Variants in CPXM2 observed in about 807,000 individuals in gnomAD.
CPXM2 encodes the protein carboxypeptidase X, M14 family member 2.
In CPXM2, 66 loss-of-function variants were observed where a neutral mutation model predicts 86.1. The ratio of observed to expected loss-of-function variants is 0.77; its 90% CI spans 0.63 to 0.94. The LOEUF is 0.94. Ranked by LOEUF, CPXM2 falls within the 40% of genes least tolerant of loss-of-function variation. CPXM2 has a pLI of 0.00. For synonymous variants in CPXM2, 388 were observed against 400.2 expected, an observed-to-expected ratio of 0.97 and a Z score of 0.36; for missense variants, 948 against 1,026.3, an observed-to-expected ratio of 0.92 and a Z score of 1.04.
At position 123,889,863 on chromosome 10, in the gene CPXM2, T is replaced by C. The variant is rs958553130; in HGVS notation, c.304+1493A>G. Among the ~76,000 whole-genome samples, 110 of 151,984 alleles carry C rather than the reference T, an allele frequency of 7.2e-4. 6 individuals are homozygous for C. The highest frequency in any genetic ancestry group is 1.5e-5 in the Non-Finnish European group (1 of 68,014). ...AGTGACTGCCAGAACCCAACATACATGTCTCCTGCCTACACCACCCTACCA... is the reference window on the plus strand; with the variant it reads ...AGTGACTGCCAGAACCCAACATACACGTCTCCTGCCTACACCACCCTACCA... On this transcript the variant is annotated intron_variant, in intron 1 of 13. Coordinates refer to ENST00000241305, the MANE Select transcript of CPXM2 (RefSeq NM_198148.3).
chr10:123,790,457 C>T (rs766378339), intron 6 of CPXM2, among the ~76,000 whole-genome samples: 9 of 152,026 alleles, frequency 5.9e-5, no homozygotes, highest in African/African-American at 1.9e-4. Flanking sequence ...GGTTGTTTAC[C>T]GAAACTAGGG....
intron 3 of CPXM2, among the ~76,000 whole-genome samples, chr10:123,855,461 G>T (rs534630784): frequency 1.8e-4 from 28 of 152,286 alleles, no homozygotes; most frequent in African/African-American, 6.3e-4. Flanking sequence ...GCAGGTGTGG[G>T]TCGGGCACAG....
At chr10:123,942,754 T>C (rs991858569), upstream of CPXM2, among the ~76,000 whole-genome samples, 1 of 152,210 alleles carries the variant, frequency 6.6e-6, no homozygotes, top group African/African-American at 2.4e-5. Context: ...TTTGTTTCCT[T>C]ACTTCTCTAT....
chr10:123,903,913 TG>T (rs1945408265), intron 2 of CPXM2, among the ~76,000 whole-genome samples: 1 of 152,204 alleles, frequency 6.6e-6, no homozygotes, highest in African/African-American at 2.4e-5. Flanking sequence ...GACTCTGGCG[TG>T]GGTTTGCCTG....
At chr10:123,847,835 T>G (rs1006619064) in intron 3 of CPXM2, among the ~76,000 whole-genome samples, 2 of 152,180 alleles carry the variant, frequency 1.3e-5, no homozygotes, top group African/African-American at 4.8e-5. Flanking sequence ...TTCTGAGAGA[T>G]AGAGACAACA....
chr10:123,883,786 A>G (rs1945134204), intron 1 of CPXM2, among the ~76,000 whole-genome samples: 1 of 152,316 alleles, frequency 6.6e-6, no homozygotes, highest in Non-Finnish European at 1.5e-5. Flanking sequence ...CGAGCCCTTC[A>G]TGGACAGCAC....
chr10:123,777,277 A>G (rs1846815284), intron 7 of CPXM2: 1 of 152,258 alleles, frequency 6.6e-6, no homozygotes, highest in South Asian at 2.1e-4. Context: ...CTGTCTACAT[A>G]TGGGCCATCA....
In CPXM2 at chr10:123,824,172, G is replaced by A. The variant is rs1847993012; in HGVS notation, c.653+18177C>T. ...TGTTTCTCTGGAGAGAAAGTCAGTG[G>A]AAGTTTATGTGAATAAAATTGGAAA... On this transcript the variant is annotated intron_variant, in intron 4 of 13. Transcript: ENST00000241305. 2.6e-5 allele frequency among the ~76,000 whole-genome samples: 4 copies of A among 152,140 alleles called. 1 individual carries two copies. The highest frequency in any genetic ancestry group is 4.1e-4 in the South Asian group (2 of 4,824).
rs563837721 is a variant in CPXM2 at position 123,757,476 on chromosome 10, T to C, written c.1778-124A>G. On this transcript the variant is annotated intron_variant, in intron 11 of 13. Coordinates refer to ENST00000241305, the MANE Select transcript of CPXM2 (RefSeq NM_198148.3). The stretch of plus-strand genomic sequence containing the variant: ...AAGGCCTTGTTTAAACAGGGAGATA[T>C]GAAGTATCTACTATAGACAAAAATT... The C allele has an allele frequency of 4.9e-6, 4 of 817,384 alleles. No individual in the cohort carries two copies. The African/African-American group carries it at 5.1e-5, about 10-fold the overall frequency. The allele number at this position is 817,384 out of a possible 1,614,324, so 50.6% of individuals were successfully genotyped here. A position where few individuals can be genotyped will look rare whatever the true frequency, so the allele number is the denominator to read the frequency against.
At position 123,798,060 on chromosome 10, in the gene CPXM2, G is replaced by A. The variant is rs368914654; in HGVS notation, c.805C>T (p.Arg269Cys). 24 of 1,611,430 alleles carry A rather than the reference G, an allele frequency of 1.5e-5. No individual in the cohort carries two copies. Among genetic ancestry groups the A allele is most frequent in the African/African-American group, 1.3e-4 (10 of 74,744 alleles). The change falls in exon 6 of 14, where the codon CGC becomes TGC. Residue 269 changes from arginine (R) to cysteine (C), a missense_variant. Arg to Cys is a radical substitution (Grantham distance 180). Transcript: ENST00000241305. ...GACTGAGGGTTTATGCGGATGTAGC[G>A]GGCCACCATGGGGACGGGTAGCTCA... ...LNELPVPMVA[R>C]YIRINPQSWF...
chr10:123,897,917 C>T (rs1475588718), intron 2 of CPXM2, among the ~76,000 whole-genome samples: 1 of 152,242 alleles, frequency 6.6e-6, no homozygotes, highest in African/African-American at 2.4e-5. Context: ...AGGCATCCCT[C>T]TTTCTATCCT....
chr10:123,833,854 C>T (rs952920588), intron 4 of CPXM2, among the ~76,000 whole-genome samples: 3 of 152,120 alleles, frequency 2.0e-5, no homozygotes, highest in African/African-American at 4.8e-5. Flanking sequence ...AGTGCTGGCA[C>T]GAGAATAGGA....
chr10:123,796,518 G>A (rs1847338987), intron 6 of CPXM2, among the ~76,000 whole-genome samples: 1 of 152,190 alleles, frequency 6.6e-6, no homozygotes, highest in South Asian at 2.1e-4. Context: ...TATGACCAGT[G>A]TGAGGGTAAG....
At chr10:123,919,380 C>T (rs181797619) in intron 2 of CPXM2, among the ~76,000 whole-genome samples, 1 of 152,300 alleles carries the variant, frequency 6.6e-6, no homozygotes, top group African/African-American at 2.4e-5. Context: ...ATCCAGGATA[C>T]AATCTAAATT....
intron 7 of CPXM2, among the ~76,000 whole-genome samples, chr10:123,772,067 G>A (rs1210057038): frequency 6.6e-6 from 1 of 152,104 alleles, no homozygotes; most frequent in African/African-American, 2.4e-5. Context: ...CACATACTTG[G>A]TTGTGATTAT....
intron 1 of CPXM2, among the ~76,000 whole-genome samples, chr10:123,889,440 G>T (rs1242973819): frequency 6.7e-6 from 1 of 148,948 alleles, no homozygotes. Flanking sequence ...CTTTCTCAGA[G>T]TTCCCAGCTA....
intron 2 of CPXM2, among the ~76,000 whole-genome samples, chr10:123,868,895 G>A (rs1251993894): frequency 1.3e-5 from 2 of 152,154 alleles, no homozygotes; most frequent in Non-Finnish European, 2.9e-5. Context: ...AGAATGAGAG[G>A]TTAGAACTCC....
chr10:123,856,881 C>T (rs118107809), intron 3 of CPXM2, among the ~76,000 whole-genome samples: 6 of 152,174 alleles, frequency 3.9e-5, no homozygotes, highest in Admixed American at 6.5e-5. Flanking sequence ...CATGAGCCAC[C>T]GCACCTAGCC....
chr10:123,775,662 T>C (rs979539188), intron 7 of CPXM2, among the ~76,000 whole-genome samples: 2 of 152,248 alleles, frequency 1.3e-5, no homozygotes, highest in African/African-American at 4.8e-5. Context: ...TTCCCACCGA[T>C]GGCAAAGTAT....
Sources: gnomAD v4.1 joint callset for allele counts (sites outside exome capture counted in the v4.1 genomes callset) on GRCh38, gnomAD v4.1.1 for gene constraint, MANE v1.5 for transcripts, NCBI Gene and HGNC (gene_info 2026-07-23, HGNC 2026-07-21) for gene names.